Variants in TTC39B observed in about 807,000 individuals in gnomAD.
TTC39B encodes the protein tetratricopeptide repeat protein 39B.
In TTC39B, 92 loss-of-function variants were observed where a neutral mutation model predicts 96.6. The observed-to-expected ratio is 0.95, with a 90% CI of 0.80 to 1.13. The LOEUF is 1.13. TTC39B is among the 50% of genes most tolerant of loss of function. The pLI is 0.00. For missense variants in TTC39B, 955 were observed against 809.3 expected, an observed-to-expected ratio of 1.18 and a Z score of -2.18; for synonymous variants, 367 against 299.4, an observed-to-expected ratio of 1.23 and a Z score of -2.33.
intron 2 of TTC39B, among the ~76,000 whole-genome samples, chr9:15,235,641 G>A (rs1586934487): frequency 1.3e-5 from 2 of 152,100 alleles, no homozygotes; most frequent in Admixed American, 1.3e-4. Flanking sequence ...CAAACCAGAA[G>A]AGATTGGGGT....
intron 2 of TTC39B, among the ~76,000 whole-genome samples, chr9:15,243,327 T>C (rs1326120065): frequency 6.6e-6 from 1 of 152,220 alleles, no homozygotes; most frequent in African/African-American, 2.4e-5. Flanking sequence ...AATTGACCAC[T>C]TAATGTGCTT....
At chr9:15,211,378 G>C (rs2131349635) in exon 5 of TTC39B, 1 of 1,581,470 alleles carries the variant, frequency 6.3e-7, no homozygotes, top group Admixed American at 1.9e-5. Context: ...CCCAAGGCAT[G>C]GTACATACTC....
chr9:15,224,256 G>A (rs1052721285), intron 3 of TTC39B: 12 of 152,462 alleles, frequency 7.9e-5, no homozygotes, highest in African/African-American at 2.9e-4. Flanking sequence ...ACCTAACTAT[G>A]AAATGCAAAG....
At chr9:15,193,219 T>G (rs763462402) in intron 8 of TTC39B, among the ~76,000 whole-genome samples, 1 of 152,236 alleles carries the variant, frequency 6.6e-6, no homozygotes, top group Non-Finnish European at 1.5e-5. Flanking sequence ...TGTCCTCTGC[T>G]TTCTTCCTGC....
At chr9:15,283,104 C>T (rs907079369) in intron 1 of TTC39B, among the ~76,000 whole-genome samples, 3 of 152,066 alleles carry the variant, frequency 2.0e-5, no homozygotes, top group African/African-American at 4.8e-5. Context: ...AAGCACCAAG[C>T]GCCACGCCTA....
intron 8 of TTC39B, among the ~76,000 whole-genome samples, chr9:15,199,615 G>A (rs1300511383): frequency 1.3e-5 from 2 of 151,282 alleles, no homozygotes; most frequent in Admixed American, 6.6e-5. Flanking sequence ...GGCGCCTGTA[G>A]TCCCAGCTAC....
At chr9:15,195,539 G>A (rs373827325) in intron 8 of TTC39B, among the ~76,000 whole-genome samples, 39 of 151,580 alleles carry the variant, frequency 2.6e-4, no homozygotes, top group African/African-American at 6.5e-4. Context: ...GCACGGTGGC[G>A]CACACCTGTA....
chr9:15,184,065 C>T (rs1008667249), intron 16 of TTC39B, among the ~76,000 whole-genome samples: 2 of 151,738 alleles, frequency 1.3e-5, no homozygotes. Context: ...AATCAACAAC[C>T]CAATGAAAAA....
chr9:15,237,741 G>A (rs1249038503), intron 2 of TTC39B, among the ~76,000 whole-genome samples: 1 of 150,666 alleles, frequency 6.6e-6, no homozygotes, highest in Non-Finnish European at 1.5e-5. Context: ...ACCAATCTTA[G>A]TGAAACTATT....
At chr9:15,233,546 C>A (rs1231417320) in intron 2 of TTC39B, among the ~76,000 whole-genome samples, 1 of 150,672 alleles carries the variant, frequency 6.6e-6, no homozygotes, top group Non-Finnish European at 1.5e-5. Context: ...TTGGTGGAGA[C>A]GGGGTTTCGC....
intron 1 of TTC39B, among the ~76,000 whole-genome samples, chr9:15,298,965 G>C (rs1272577597): frequency 6.6e-6 from 1 of 152,024 alleles, no homozygotes; most frequent in Non-Finnish European, 1.5e-5. Flanking sequence ...TCTTGACTCA[G>C]AATGTCTAAG....
At chr9:15,290,152 A>AAG (rs1222826034) in intron 1 of TTC39B, among the ~76,000 whole-genome samples, 2 of 152,184 alleles carry the variant, frequency 1.3e-5, no homozygotes, top group African/African-American at 4.8e-5. Flanking sequence ...GTGAGAAAAA[A>AAG]ATGGTTAGAG....
chr9:15,296,084 G>T (rs534636414), intron 1 of TTC39B, among the ~76,000 whole-genome samples: 1 of 152,316 alleles, frequency 6.6e-6, no homozygotes, highest in African/African-American at 2.4e-5. Flanking sequence ...TGTGACTCAT[G>T]GTTGTCCAGA....
chr9:15,289,939 A>C (rs1431070270), intron 1 of TTC39B, among the ~76,000 whole-genome samples: 1 of 152,110 alleles, frequency 6.6e-6, no homozygotes, highest in Non-Finnish European at 1.5e-5. Context: ...GACCCCCCTG[A>C]TGATGTCCAG....
rs959842154 is a variant in TTC39B, at chr9:15,249,824, T to G, written c.275+18090A>C. 6 of 1,023,586 alleles carry G rather than the reference T, an allele frequency of 5.9e-6. No homozygotes were observed. In the African/African-American group the frequency reaches 1.0e-4, roughly 18 times the overall value. 63.4% of individuals were successfully genotyped at this position (1,023,586 alleles called of 1,614,324 possible). A position where few individuals can be genotyped will look rare whatever the true frequency, so the allele number is the denominator to read the frequency against. Reference sequence around the variant, plus strand: ...GAAATTTAACTGGAGTTTAAAAAATTTACATAGCCTTCCTTAAATTAAACC... The same window carrying G: ...GAAATTTAACTGGAGTTTAAAAAATGTACATAGCCTTCCTTAAATTAAACC... On this transcript the variant is annotated intron_variant, in intron 2 of 19. Coordinates refer to ENST00000512701, the Ensembl canonical transcript of TTC39B.
At chr9:15,185,211 G>A in intron 16 of TTC39B, 69 bp downstream of exon 16, 1 of 1,513,830 alleles carries the variant, frequency 6.6e-7, no homozygotes, top group Non-Finnish European at 8.8e-7. Context: ...ACCAAATTTA[G>A]ATATGCTCCC....
chr9:15,294,998 T>C (rs1280152077), intron 1 of TTC39B, among the ~76,000 whole-genome samples: 1 of 152,224 alleles, frequency 6.6e-6, no homozygotes, highest in Non-Finnish European at 1.5e-5. Context: ...TCCAACTGAC[T>C]CCAGAACTTA....
rs1441947437 is a variant in TTC39B, at chr9:15,279,835, GCCAAATTC to G, written c.241-11895_241-11888del. ...TTGGTGTCAGGAAACTACAAACAGG[GCCAAATTC>G]CACCTGCTGCCTTTTCTTTTTTTGT... On this transcript the variant is annotated intron_variant, in intron 1 of 19. Transcript: ENST00000512701. 2.0e-5 allele frequency among the ~76,000 whole-genome samples: 3 copies of G among 151,710 alleles called. No homozygotes were observed. The East Asian group carries it at 5.8e-4, about 29-fold the overall frequency.
chr9:15,181,584 G>A (rs866236376), intron 17 of TTC39B, among the ~76,000 whole-genome samples: 2 of 152,100 alleles, frequency 1.3e-5, no homozygotes, highest in Non-Finnish European at 2.9e-5. Context: ...AGCTGCTTCC[G>A]GTAAACTGAA....
Sources: allele counts gnomAD v4.1 joint callset (sites outside exome capture counted in the v4.1 genomes callset), GRCh38; gene constraint gnomAD v4.1.1; transcripts MANE v1.5; gene names NCBI Gene and HGNC (gene_info 2026-07-23, HGNC 2026-07-21).